Variants in RABGEF1 observed in about 807,000 individuals in gnomAD.
RABGEF1 encodes RAB guanine nucleotide exchange factor 1, also known as rab5 GDP/GTP exchange factor.
Under a neutral mutation model 57.3 loss-of-function variants are expected in RABGEF1, and 26 were observed. That is an observed-to-expected ratio of 0.45 (90% CI 0.33 to 0.63). The LOEUF is 0.63. RABGEF1 is among the 20% of genes least tolerant of loss of function. RABGEF1 has a pLI of 0.02. For missense variants in RABGEF1, 464 were observed against 607.6 expected (o/e 0.76, Z 2.48); for synonymous variants, 185 against 210.7 (o/e 0.88, Z 1.06).
chr7:66,658,620 C>G, the RABGEF1 span, among the ~76,000 whole-genome samples: 1 of 151,842 alleles, frequency 6.6e-6, no homozygotes, highest in South Asian at 2.1e-4. Context: ...CTTCCCAACA[C>G]AGAAATACCC....
chr7:66,682,474 G>A lies in RABGEF1; in HGVS notation c.-873+216G>A, dbSNP rs373196335. 1.7e-3 allele frequency among the ~76,000 whole-genome samples: 254 copies of A among 152,314 alleles called. 11 individuals carry two copies. The South Asian group carries it at 0.051, about 31-fold the overall frequency. ...AATCCTCACAGTGCGCGGCCTCTCCGTCCAACGTGCTCGTTGCCGGCATCT... is the reference window on the plus strand; with the variant it reads ...AATCCTCACAGTGCGCGGCCTCTCCATCCAACGTGCTCGTTGCCGGCATCT... On this transcript the variant is annotated intron_variant and NMD_transcript_variant, in intron 1 of 9. Transcript: ENST00000607882.
chr7:66,682,853 A>G (rs1245580462), intron 1 of RABGEF1, among the ~76,000 whole-genome samples: 1 of 152,208 alleles, frequency 6.6e-6, no homozygotes, highest in East Asian at 1.9e-4. Context: ...AGAAGTCCCT[A>G]TTTCCGAACC....
chr7:66,675,061 A>G, the RABGEF1 span, among the ~76,000 whole-genome samples: 2 of 152,314 alleles, frequency 1.3e-5, no homozygotes, highest in African/African-American at 4.8e-5. Context: ...GATAACAACT[A>G]ATAACACTTA....
At chr7:66,682,666 C>G (rs185900252) in intron 1 of RABGEF1, among the ~76,000 whole-genome samples, 1 of 151,710 alleles carries the variant, frequency 6.6e-6, no homozygotes, top group Admixed American at 6.6e-5. Flanking sequence ...CGGAACGCGC[C>G]GGGATGGGAC....
rs919267262 is a variant in RABGEF1 at position 66,802,772 on chromosome 7, T to G, written c.821-2368T>G. ...TTTCTTTATTCTCCTTTTCCTTCCC[T>G]TCTCTCCCTTTTTCCACCCCAGCCC... is the stretch of plus-strand genomic sequence containing the variant. On this transcript the variant is annotated intron_variant, in intron 7 of 8. Coordinates refer to ENST00000284957, the MANE Select transcript of RABGEF1 (RefSeq NM_014504.3). Among the ~76,000 whole-genome samples, 28 of 152,348 alleles carry G rather than the reference T, an allele frequency of 1.8e-4. No individual in the cohort carries two copies. In the East Asian group the frequency reaches 5.4e-3, roughly 29 times the overall value.
chr7:66,708,085 C>T (rs961489648), intron 1 of RABGEF1, among the ~76,000 whole-genome samples: 1 of 152,134 alleles, frequency 6.6e-6, no homozygotes, highest in Non-Finnish European at 1.5e-5. Flanking sequence ...GGATTTACTT[C>T]TCCCAGTCTA....
rs562768384 is a variant in RABGEF1 at position 66,706,189 on chromosome 7, A to G, written c.-872-5978A>G. Among the ~76,000 whole-genome samples, 10 of 151,982 alleles carry G rather than the reference A, an allele frequency of 6.6e-5. No individual in the cohort carries two copies. The South Asian group carries it at 2.1e-3, about 32-fold the overall frequency. ...AGTCCTGGGATTATAGACATGAGCC[A>G]CCGTGCCCGGCCTGTTTATTCATTC... On this transcript the variant is annotated intron_variant and NMD_transcript_variant, in intron 1 of 9. Transcript: ENST00000607882.
intron 1 of RABGEF1, among the ~76,000 whole-genome samples, chr7:66,697,808 C>G (rs1357846406): frequency 2.0e-5 from 3 of 152,118 alleles, no homozygotes; most frequent in Non-Finnish European, 2.9e-5. Context: ...TGGGACTCAG[C>G]AGAACTGCGG....
chr7:66,795,383 T>C, intron 4 of RABGEF1, 128 bp from the exon 5 acceptor site: 2 of 727,710 alleles, frequency 2.7e-6, no homozygotes, highest in East Asian at 2.6e-5. Context: ...GCAGGATTAA[T>C]ATAACCTGTG....
intron 5 of RABGEF1, among the ~76,000 whole-genome samples, chr7:66,795,943 A>C (rs1449172394): frequency 1.3e-5 from 2 of 152,192 alleles, no homozygotes; most frequent in Non-Finnish European, 2.9e-5. Context: ...GTTCGAGACC[A>C]GCCTGGCCAA....
At chr7:66,733,219 G>A (rs1797541967) in intron 2 of RABGEF1, among the ~76,000 whole-genome samples, 1 of 152,080 alleles carries the variant, frequency 6.6e-6, no homozygotes, top group Non-Finnish European at 1.5e-5. Context: ...TCAAGATTTG[G>A]CCAAAACATC....
chr7:66,675,003 A>T, the RABGEF1 span, among the ~76,000 whole-genome samples: 1 of 152,230 alleles, frequency 6.6e-6, no homozygotes, highest in Admixed American at 6.5e-5. Context: ...CATTACACTT[A>T]CATATACCTA....
chr7:66,734,000 G>A (rs1191609696), intron 2 of RABGEF1, among the ~76,000 whole-genome samples: 2 of 152,116 alleles, frequency 1.3e-5, no homozygotes, highest in African/African-American at 4.8e-5. Flanking sequence ...GCGAGACTCC[G>A]TCTCAAAAAC....
chr7:66,755,510 G>A (rs1802500298), intron 1 of RABGEF1, among the ~76,000 whole-genome samples: 1 of 152,170 alleles, frequency 6.6e-6, no homozygotes, highest in South Asian at 2.1e-4. Flanking sequence ...GTAAAGAAAA[G>A]AAATGCCTTT....
chr7:66,798,872 G>C (rs2129178540), intron 6 of RABGEF1, among the ~76,000 whole-genome samples: 1 of 152,316 alleles, frequency 6.6e-6, no homozygotes, highest in South Asian at 2.1e-4. Flanking sequence ...TGAGGCAGGA[G>C]AATTGCTTGA....
At chr7:66,756,473 C>G (rs1802743153) in intron 1 of RABGEF1, among the ~76,000 whole-genome samples, 1 of 152,162 alleles carries the variant, frequency 6.6e-6, no homozygotes, top group African/African-American at 2.4e-5. Flanking sequence ...ATGGTCTGCT[C>G]ATAACCTTGT....
intron 1 of RABGEF1, among the ~76,000 whole-genome samples, chr7:66,767,005 T>C (rs527564238): frequency 0.066 from 9,689 of 146,456 alleles, 377 homozygotes; most frequent in Non-Finnish European, 0.099. Flanking sequence ...AGTTTCTTTT[T>C]TTTTTTTTTT....
chr7:66,793,916 C>G (rs1165477088), intron 4 of RABGEF1, among the ~76,000 whole-genome samples: 1 of 152,026 alleles, frequency 6.6e-6, no homozygotes, highest in African/African-American at 2.4e-5. Flanking sequence ...CTGTGACAGC[C>G]CGTCCTGGGG....
Position 66,695,897 on chromosome 7 carries a change from C to T in RABGEF1, c.-873+13639C>T, listed in dbSNP as rs148113871. On this transcript the variant is annotated intron_variant and NMD_transcript_variant, in intron 1 of 9. Transcript: ENST00000607882. Reference sequence around the variant, plus strand: ...AGGAGTATCACTTACATCTGGGAGTCGGAGGTTGCAGTGAGCTGAGATCGC... The same window carrying T: ...AGGAGTATCACTTACATCTGGGAGTTGGAGGTTGCAGTGAGCTGAGATCGC... Among the ~76,000 whole-genome samples, 118 of 151,296 alleles carry T rather than the reference C, an allele frequency of 7.8e-4. No homozygotes were observed. The East Asian group carries it at 0.021, about 27-fold the overall frequency.
Sources: gnomAD v4.1 joint callset for allele counts (sites outside exome capture counted in the v4.1 genomes callset) on GRCh38, gnomAD v4.1.1 for gene constraint, MANE v1.5 for transcripts, NCBI Gene and HGNC (gene_info 2026-07-23, HGNC 2026-07-21) for gene names.